ZFHX4: variants seen among roughly 807,000 people sequenced by gnomAD.
ZFHX4 encodes the protein zinc finger homeobox protein 4.
In ZFHX4, 56 loss-of-function variants were observed where a neutral mutation model predicts 267.6. The ratio of observed to expected loss-of-function variants is 0.21; its 90% CI spans 0.17 to 0.26. The LOEUF is 0.26. ZFHX4 is among the 10% of genes least tolerant of loss of function. The pLI is 1.00. For synonymous variants in ZFHX4, 1,778 were observed against 1,665.6 expected (o/e 1.07, Z -1.64); for missense variants, 4,332 against 4,420.0 (o/e 0.98, Z 0.56).
Position 76,705,438 on chromosome 8 carries a change from A to T in ZFHX4, c.1350A>T (p.Glu450Asp). The change falls in exon 2 of 11, where the codon GAA (glutamate) becomes GAT (aspartate). Residue 450 changes from glutamate (E) to aspartate (D), a missense_variant. Around this residue, in one of 7 missense-constraint regions of ZFHX4, gnomAD observed 1,195 missense variants for 1,173.6 expected, o/e 1.02. Transcript: ENST00000651372. ...AGAACAACTGTGAAAGGCCAAAAGA[A>T]AGCAACGTTTTACACCCAAACGGGG... ...DQENNCERPK[E>D]SNVLHPNGEC... 1 of 1,613,830 alleles carries T rather than the reference A, an allele frequency of 6.2e-7. No homozygotes were observed. The highest frequency in any genetic ancestry group is 8.5e-7 in the Non-Finnish European group (1 of 1,179,872).
At chr8:76,825,722 T>C (rs1268861891) in intron 4 of ZFHX4, among the ~76,000 whole-genome samples, 2 of 152,196 alleles carry the variant, frequency 1.3e-5, no homozygotes, top group Non-Finnish European at 2.9e-5. Flanking sequence ...AAGTAACTCA[T>C]TGCGATGAAA....
intron 4 of ZFHX4, among the ~76,000 whole-genome samples, chr8:76,823,355 G>C (rs1050108184): frequency 1.6e-4 from 24 of 152,190 alleles, no homozygotes; most frequent in African/African-American, 5.8e-4. Flanking sequence ...AAAGAGAGCA[G>C]TGTGCCAAAT....
chr8:76,855,565 C>A lies in ZFHX4; in HGVS notation c.8644C>A (p.His2882Asn), dbSNP rs1812695024. ...SIHFNDKDGD[H>N]DQSFYITDDP... ...CCATTTCAATGACAAAGATGGCGACCACGACCAAAGCTTTTACATCACAGA... is the reference window on the plus strand; with the variant it reads ...CCATTTCAATGACAAAGATGGCGACAACGACCAAAGCTTTTACATCACAGA... Residue 2882 changes from histidine (H) to asparagine (N), a missense_variant, in exon 10 of 11, where the codon CAC (histidine) becomes AAC (asparagine). His to Asn is a moderately conservative substitution (Grantham distance 68). This residue lies in a region of ZFHX4 where 1,648 missense variants were observed against 1,625.0 expected (regional missense o/e 1.01). Transcript: ENST00000651372. 2.5e-6 allele frequency: 4 copies of A among 1,613,908 alleles called. No homozygotes were observed. The highest frequency in any genetic ancestry group is 1.3e-5 in the African/African-American group (1 of 75,022).
At chr8:76,862,798 T>G (rs942688017) in intron 10 of ZFHX4, among the ~76,000 whole-genome samples, 1 of 152,204 alleles carries the variant, frequency 6.6e-6, no homozygotes, top group Admixed American at 6.5e-5. Flanking sequence ...ATGATGTTTT[T>G]TGTTATTCAT....
intron 3 of ZFHX4, among the ~76,000 whole-genome samples, chr8:76,717,314 A>C (rs1808601872): frequency 6.6e-6 from 1 of 152,122 alleles, no homozygotes; most frequent in Admixed American, 6.5e-5. Flanking sequence ...CCTCCTCAAA[A>C]TTCTGCTAAT....
rs778439036 is a variant in ZFHX4 at position 76,705,608 on chromosome 8, T to C, written c.1520T>C (p.Ile507Thr). Residue 507 changes from isoleucine to threonine, a missense_variant, in exon 2 of 11, where the codon ATT (isoleucine) becomes ACT (threonine). Physicochemically the swap from Ile to Thr is moderately conservative, Grantham distance 89. Coordinates refer to ENST00000651372, the MANE Select transcript of ZFHX4 (RefSeq NM_024721.5). Reference protein sequence around the residue: ...NKDFPLLNQSISPLSSSVLKF... With the variant: ...NKDFPLLNQSTSPLSSSVLKF... ...GATTTCCCTCTCTTAAACCAAAGCA[T>C]TTCTCCTTTATCATCCAGTGTGCTA... The C allele has an allele frequency of 1.2e-5, 20 of 1,613,844 alleles. No individual in the cohort carries two copies. Among genetic ancestry groups the C allele is most frequent in the Non-Finnish European group, 1.6e-5 (19 of 1,179,808 alleles).
Position 76,852,983 on chromosome 8 carries a change from C to T in ZFHX4, c.6062C>T (p.Ser2021Phe), listed in dbSNP as rs1563561100. The T allele has an allele frequency of 6.4e-7, 1 of 1,550,962 alleles. No individual in the cohort carries two copies. The highest frequency in any genetic ancestry group is 8.7e-7 in the Non-Finnish European group (1 of 1,144,886). Residue 2021 changes from serine (S) to phenylalanine (F), a missense_variant, in exon 10 of 11, where the codon TCT becomes TTT. Physicochemically the swap from Ser to Phe is radical, Grantham distance 155. Transcript: ENST00000651372. ...PLPPAPPQPS[S>F]MGPVKIPNTV... ...CCTCCGGCTCCTCCACAGCCTTCTT[C>T]TATGGGTCCTGTAAAGATCCCCAAC...
At chr8:76,735,110 G>A (rs909835422) in intron 3 of ZFHX4, among the ~76,000 whole-genome samples, 2 of 152,108 alleles carry the variant, frequency 1.3e-5, no homozygotes, top group East Asian at 1.9e-4. Flanking sequence ...TATATCTGAC[G>A]AAATCAGCAG....
At chr8:76,735,098 T>G (rs914079671) in intron 3 of ZFHX4, among the ~76,000 whole-genome samples, 2 of 152,134 alleles carry the variant, frequency 1.3e-5, no homozygotes, top group Non-Finnish European at 2.9e-5. Flanking sequence ...ATGAAGTAAA[T>G]GTATATCTGA....
intron 3 of ZFHX4, among the ~76,000 whole-genome samples, chr8:76,761,708 A>G (rs927114582): frequency 6.6e-6 from 1 of 152,208 alleles, no homozygotes; most frequent in Admixed American, 6.5e-5. Flanking sequence ...CAAGCTGAAA[A>G]ATTATTTGAT....
chr8:76,762,486 A>T (rs527444259), intron 3 of ZFHX4, among the ~76,000 whole-genome samples: 211 of 152,288 alleles, frequency 1.4e-3, no homozygotes, highest in African/African-American at 4.8e-3. Context: ...CAATATTTAA[A>T]AATGTATAAT....
chr8:76,689,059 G>C (rs894520455), intron 1 of ZFHX4, among the ~76,000 whole-genome samples: 5 of 151,852 alleles, frequency 3.3e-5, no homozygotes, highest in African/African-American at 1.2e-4. Context: ...TTTTTTACTG[G>C]AGTCCTTTTT....
intron 3 of ZFHX4, among the ~76,000 whole-genome samples, chr8:76,721,382 CA>C (rs1199335575): frequency 6.6e-6 from 1 of 152,254 alleles, no homozygotes; most frequent in Non-Finnish European, 1.5e-5. Context: ...TCTAGTAATA[CA>C]GAGAGGCTTA....
Position 76,854,378 on chromosome 8 carries a change from T to C in ZFHX4, c.7457T>C (p.Leu2486Pro). ...QISMTSLQNSLPPQLLQYQCD... is the reference protein window; with the variant it reads ...QISMTSLQNSPPPQLLQYQCD... ...TCCATGACGTCTCTCCAGAACAGTCTACCTCCACAGTTACTACAATACCAA... is the reference window on the plus strand; with the variant it reads ...TCCATGACGTCTCTCCAGAACAGTCCACCTCCACAGTTACTACAATACCAA... The change falls in exon 10 of 11, where the codon CTA (leucine) becomes CCA (proline). Residue 2486 changes from leucine (L) to proline (P), a missense_variant. Physicochemically the swap from Leu to Pro is moderately conservative, Grantham distance 98. This residue lies in a region of ZFHX4 where 1,648 missense variants were observed against 1,625.0 expected (regional missense o/e 1.01). Coordinates refer to ENST00000651372, the MANE Select transcript of ZFHX4 (RefSeq NM_024721.5). 6.2e-7 allele frequency: 1 copy of C among 1,613,932 alleles called. No homozygotes were observed. The highest frequency in any genetic ancestry group is 1.6e-4 in the Middle Eastern group (1 of 6,062).
In ZFHX4 at chr8:76,849,086, A is replaced by C. The variant is rs113788699; in HGVS notation, c.3603A>C (p.Lys1201Asn). The C allele has an allele frequency of 6.4e-7, 1 of 1,568,682 alleles. No homozygotes were observed. The highest frequency in any genetic ancestry group is 1.4e-5 in the African/African-American group (1 of 73,916). The part of the protein sequence containing the change: ...LLAKEEDVAT[K>N]RSKPTEDNKF... ...CAAAAGAAGAGGATGTTGCAACAAA[A>C]AGGTCAAAACCTACAGAGGACAATA... The change falls in exon 7 of 11, where the codon AAA (lysine) becomes AAC (asparagine). Residue 1201 changes from lysine (K) to asparagine (N), a missense_variant. Lys to Asn is a moderately conservative substitution (Grantham distance 94). Around this residue, in one of 7 missense-constraint regions of ZFHX4, gnomAD observed 1,371 missense variants for 1,423.1 expected, o/e 0.96. Coordinates refer to ENST00000651372, the MANE Select transcript of ZFHX4 (RefSeq NM_024721.5).
chr8:76,766,756 T>TA lies in ZFHX4; in HGVS notation c.3094-11452_3094-11451insA, dbSNP rs1343398594. On this transcript the variant is annotated intron_variant, in intron 3 of 10. Coordinates refer to ENST00000651372, the MANE Select transcript of ZFHX4 (RefSeq NM_024721.5). ...TGAGAGCAATTAATTTAAATATTGA[T>TA]TTATATAATATTATAATTTTTAAAA... Among the ~76,000 whole-genome samples, 33 of 152,122 alleles carry TA rather than the reference T, an allele frequency of 2.2e-4. No individual in the cohort carries two copies. The South Asian group carries it at 5.4e-3, about 25-fold the overall frequency.
intron 4 of ZFHX4, among the ~76,000 whole-genome samples, chr8:76,779,431 C>T (rs928967560): frequency 6.6e-6 from 1 of 152,048 alleles, no homozygotes; most frequent in Non-Finnish European, 1.5e-5. Flanking sequence ...GCGTCAAGGT[C>T]GCCTTTCTCA....
intron 1 of ZFHX4, among the ~76,000 whole-genome samples, chr8:76,696,941 A>G (rs1807974507): frequency 6.6e-6 from 1 of 152,014 alleles, no homozygotes; most frequent in African/African-American, 2.4e-5. Context: ...CTTGAGTGAA[A>G]CTATTTGAAA....
At chr8:76,847,896 A>G (rs888686221) in intron 6 of ZFHX4, among the ~76,000 whole-genome samples, 3 of 152,156 alleles carry the variant, frequency 2.0e-5, no homozygotes, top group African/African-American at 7.2e-5. Context: ...GCATACAATC[A>G]GATTACGCCT....
Sources: allele counts gnomAD v4.1 joint callset (sites outside exome capture counted in the v4.1 genomes callset), GRCh38; gene constraint gnomAD v4.1.1; regional missense constraint gnomAD v4.1.1; transcripts MANE v1.5; gene names NCBI Gene and HGNC (gene_info 2026-07-23, HGNC 2026-07-21).